NOTCH1: variants seen among roughly 807,000 people sequenced by gnomAD.
NOTCH1 encodes the protein neurogenic locus notch homolog protein 1.
Under a neutral mutation model 254.8 loss-of-function variants are expected in NOTCH1, and 37 were observed. The ratio of observed to expected loss-of-function variants is 0.15; its 90% CI spans 0.11 to 0.19. The LOEUF is 0.19. Among genes scored for constraint, NOTCH1 ranks in the 10% least tolerant of loss-of-function variants. The pLI, the probability that NOTCH1 is intolerant of heterozygous loss-of-function variation, is 1.00. For missense variants in NOTCH1, 2,972 were observed against 3,708.6 expected (o/e 0.80, Z 5.16); for synonymous variants, 1,731 against 1,618.1 (o/e 1.07, Z -1.68).
intron 18 of NOTCH1, 61 bp downstream of exon 18, chr9:136,509,666 CTGCCAG>C: frequency 1.4e-6 from 2 of 1,453,256 alleles, no homozygotes; most frequent in Non-Finnish European, 9.6e-7. Flanking sequence ...GTGTGCCAGG[CTGCCAG>C]CTACTGCGTG....
In NOTCH1 at chr9:136,545,988, GCCCGCGCCCGCGC is replaced by G. The variant is rs532729798; in HGVS notation, c.-215_-203del. Among the ~76,000 whole-genome samples, 12,673 of 146,770 alleles carry G rather than the reference GCCCGCGCCCGCGC, an allele frequency of 0.086. 910 individuals are homozygous for G. The highest frequency in any genetic ancestry group is 0.2 in the African/African-American group (8,215 of 40,714). ...CGGCTCGTTCCTTCGCTGCGCTCGC[GCCCGCGCCCGCGC>G]CCCGCGCCCCGCGCCCTTGCGCTCC... On this transcript the variant is annotated 5_prime_UTR_variant, in exon 1 of 34. Transcript: ENST00000651671. This position sits in a 1 kb window ranked among gnomAD's most constrained non-coding sequence, Gnocchi z 6.8.
Position 136,501,793 on chromosome 9 carries a change from C to A in NOTCH1, c.5593G>T (p.Gly1865Cys), listed in dbSNP as rs750560277. 1 of 1,612,766 alleles carries A rather than the reference C, an allele frequency of 6.2e-7. No homozygotes were observed. Among genetic ancestry groups the A allele is most frequent in the Non-Finnish European group, 8.5e-7 (1 of 1,179,992 alleles). ...TCCATGCAGTCGGCGTCAACCTCAC[C>A]CTGGGGCGGTGTGGGGGCCATGGCA... ...MSAMAPTPPQ[G>C]EVDADCMDVN... Residue 1865 changes from glycine to cysteine, a missense_variant, in exon 30 of 34, where the codon GGT becomes TGT. Transcript: ENST00000651671.
intron 30 of NOTCH1, 84 bp downstream of exon 30, chr9:136,501,664 C>T (rs2133328170): frequency 6.5e-7 from 1 of 1,531,550 alleles, no homozygotes. Context: ...TCCAGAGTAT[C>T]AACTGTACCC....
intron 2 of NOTCH1, chr9:136,543,477 C>A (rs1250688722): frequency 3.6e-6 from 1 of 278,878 alleles, no homozygotes; most frequent in East Asian, 1.2e-4. Flanking sequence ...TGCCGCCAGC[C>A]CAGGAGGCAT....
Position 136,545,424 on chromosome 9 carries a change from C to A in NOTCH1, c.61+302G>T, listed in dbSNP as rs988347216. ...CCCGGCCGACCGGCGGCAAGCCCCA[C>A]GCGCGGCGGGTGAAGGGCGGGCCCG... On this transcript the variant is annotated intron_variant, in intron 1 of 33. Coordinates refer to ENST00000651671, the MANE Select transcript of NOTCH1 (RefSeq NM_017617.5). The surrounding 1 kb of genome is among the most constrained non-coding windows in gnomAD (Gnocchi z 6.8). 6.6e-6 allele frequency among the ~76,000 whole-genome samples: 1 copy of A among 151,842 alleles called. No individual in the cohort carries two copies. The highest frequency in any genetic ancestry group is 2.4e-5 in the African/African-American group (1 of 41,322).
At chr9:136,503,363 G>A (rs749578818) in intron 26 of NOTCH1, 33 bp from the exon 27 acceptor site, 18 of 1,611,946 alleles carry the variant, frequency 1.1e-5, no homozygotes, top group Non-Finnish European at 1.2e-5. Flanking sequence ...GCTGGGACCC[G>A]AGGCTTCCTC....
At chr9:136,529,252 G>A (rs1448910595) in intron 2 of NOTCH1, among the ~76,000 whole-genome samples, 6 of 152,344 alleles carry the variant, frequency 3.9e-5, no homozygotes, top group East Asian at 3.9e-4. Context: ...TACTGGAGAC[G>A]GGGAGACAAG....
At position 136,504,816 on chromosome 9, in the gene NOTCH1, C is replaced by T. The variant is rs2133336298; in HGVS notation, c.4875G>A (p.Glu1625=). 1 of 1,567,540 alleles carries T rather than the reference C, an allele frequency of 6.4e-7. No individual in the cohort carries two copies. The highest frequency in any genetic ancestry group is 8.6e-7 in the Non-Finnish European group (1 of 1,156,572). ...MIFPYYGREE[E]LRKHPIKRAA... is the part of the protein sequence containing the mutation. ...CACGCTTGATGGGGTGCTTGCGCAG[C>T]TCCTCCTCGCGGCCGTAGTAGGGGA... The change falls in exon 26 of 34, where the codon GAG becomes GAA. Residue 1625 remains glutamate, a synonymous_variant. Transcript: ENST00000651671.
At position 136,497,346 on chromosome 9, in the gene NOTCH1, GC is replaced by G. The variant is rs1455334351; in HGVS notation, c.6392del (p.Gly2131AlafsTer117). The G allele has an allele frequency of 1.9e-6, 3 of 1,606,244 alleles. No individual in the cohort carries two copies. On this transcript the variant is annotated frameshift_variant, in exon 34 of 34. Transcript: ENST00000651671. LOFTEE classifies it high-confidence loss of function. ...AGAGCGGGGGCGACAGGGTGGGCGT[GC>G]CCCCCAGCGGGGCTCCGTGCAGCTG... is the stretch of plus-strand genomic sequence containing the variant. ...SPQLHGAPLG[G>X]TPTLSPPLCS...
rs1455261242 is a variant in NOTCH1 at position 136,496,778 on chromosome 9, T to G, written c.6961A>C (p.Asn2321His). 3.1e-6 allele frequency: 5 copies of G among 1,612,690 alleles called. No individual in the cohort carries two copies. Among genetic ancestry groups the G allele is most frequent in the Non-Finnish European group, 4.2e-6 (5 of 1,179,994 alleles). ...LSRLQSGMVP[N>H]QYNPLRGSVA... is the part of the protein sequence containing the mutation. ...CTCCCCCGCAGAGGGTTGTATTGGT[T>G]CGGCACCATGCCGCTCTGCAGCCGG... Residue 2321 changes from asparagine to histidine, a missense_variant, in exon 34 of 34, where the codon AAC becomes CAC. Asn to His is a moderately conservative substitution (Grantham distance 68, BLOSUM62 1). This residue lies in a region of NOTCH1 where 529 missense variants were observed against 529.2 expected (regional missense o/e 1.00). Transcript: ENST00000651671.
chr9:136,506,383 T>TAA lies in NOTCH1; in HGVS notation c.4014+142_4014+143dup, dbSNP rs10685223. 0.11 allele frequency: 66,087 copies of TAA among 599,658 alleles called. 3,571 individuals carry two copies. The highest frequency in any genetic ancestry group is 0.33 in the African/African-American group (16,628 of 50,310). The allele number at this position is 599,658 out of a possible 1,614,324, so 37.1% of individuals were successfully genotyped here. On this transcript the variant is annotated intron_variant, in intron 24 of 33. Coordinates refer to ENST00000651671, the MANE Select transcript of NOTCH1 (RefSeq NM_017617.5). The surrounding 1 kb of genome is among the most constrained non-coding windows in gnomAD (Gnocchi z 4.5). ...TGTCTCTAAAATCATTTATTGAAAC[T>TAA]AAAAAAAAAAAAAAGACATCAGGGT...
chr9:136,539,815 G>A (rs1843705933), intron 2 of NOTCH1, among the ~76,000 whole-genome samples: 1 of 152,208 alleles, frequency 6.6e-6, no homozygotes, highest in Non-Finnish European at 1.5e-5. Flanking sequence ...TCAATGGAAA[G>A]AGCCAGACCG....
intron 2 of NOTCH1, chr9:136,543,757 G>A (rs917647620): frequency 1.9e-5 from 11 of 588,866 alleles, no homozygotes; most frequent in Non-Finnish European, 3.0e-5. Flanking sequence ...TGGGGTACTG[G>A]GACTCCCACT....
chr9:136,505,937 C>A (rs2133341574), intron 24 of NOTCH1, 56 bp from the exon 25 acceptor site: 1 of 1,465,358 alleles, frequency 6.8e-7, no homozygotes, highest in African/African-American at 1.4e-5. Flanking sequence ...CGCCCCCCCG[C>A]CACCTCACAC....
rs1290643339 is a variant in NOTCH1 at position 136,501,864 on chromosome 9, C to T, written c.5522G>A (p.Arg1841Gln). 5 of 1,612,506 alleles carry T rather than the reference C, an allele frequency of 3.1e-6. No individual in the cohort carries two copies. Among genetic ancestry groups the T allele is most frequent in the Non-Finnish European group, 3.4e-6 (4 of 1,179,974 alleles). The change falls in exon 30 of 34, where the codon CGG (arginine) becomes CAG (glutamine). Residue 1841 changes from arginine (R) to glutamine (Q), a missense_variant. Physicochemically the swap from Arg to Gln is conservative, Grantham distance 43. Around this residue, in one of 8 missense-constraint regions of NOTCH1, gnomAD observed 421 missense variants for 604.4 expected, o/e 0.70. Transcript: ENST00000651671. ...ATCCAGGTGCTGCTGAGTCCACTGC[C>T]GGTGGTCTGTCTGGTCGTCCAGGTC... ...LPDLDDQTDH[R>Q]QWTQQHLDAA...
chr9:136,517,423 C>A (rs1843293727), intron 8 of NOTCH1, 38 bp from the exon 9 acceptor site: 1 of 1,345,882 alleles, frequency 7.4e-7, no homozygotes, highest in Non-Finnish European at 1.0e-6. Context: ...GCACGCGCGG[C>A]CCCAGTGCCC....
intron 5 of NOTCH1, 136 bp downstream of exon 5, chr9:136,519,307 C>T: frequency 7.7e-7 from 1 of 1,294,570 alleles, no homozygotes; most frequent in Non-Finnish European, 1.1e-6. Flanking sequence ...ATCATGTTGT[C>T]CTTCTCGGCC....
Position 136,519,585 on chromosome 9 carries a change from G to A in NOTCH1, c.743-20C>T, listed in dbSNP as rs962227278. 6.2e-7 allele frequency: 1 copy of A among 1,612,574 alleles called. No homozygotes were observed. Among genetic ancestry groups the A allele is most frequent in the Non-Finnish European group, 8.5e-7 (1 of 1,179,830 alleles). ...TGAAGCCTGCCGCAAGAGGGGCCGG[G>A]TCAGCCTCTTCCCTGAGGTCCAGTC... On this transcript the variant is annotated intron_variant, in intron 4 of 33. Transcript: ENST00000651671.
intron 2 of NOTCH1, among the ~76,000 whole-genome samples, chr9:136,535,338 G>A (rs1244418567): frequency 2.0e-5 from 3 of 152,026 alleles, no homozygotes; most frequent in South Asian, 2.1e-4. Context: ...TTAACCGTGC[G>A]GGCTCAATCT....
Sources: allele counts gnomAD v4.1 joint callset (sites outside exome capture counted in the v4.1 genomes callset), GRCh38; gene constraint gnomAD v4.1.1; regional missense constraint gnomAD v4.1.1; non-coding constraint Gnocchi (gnomAD v3.1); transcripts MANE v1.5; gene names NCBI Gene and HGNC (gene_info 2026-07-23, HGNC 2026-07-21).